The following SPPL2A variants were observed in gnomAD, a reference collection of about 807,000 sequenced individuals.
SPPL2A encodes the protein signal peptide peptidase-like 2A.
Under a neutral mutation model 63.8 loss-of-function variants are expected in SPPL2A, and 51 were observed. The observed-to-expected ratio is 0.80, with a 90% confidence interval of 0.64 to 1.01. The LOEUF (loss-of-function observed/expected upper bound fraction) is 1.01, where lower values mean the gene tolerates loss of function less well. SPPL2A is among the 50% of genes least tolerant of loss of function. The probability of loss-of-function intolerance (pLI) is 0.00; values close to 1 mark genes in which losing one functional copy is unlikely to be tolerated. For missense variants in SPPL2A, 553 were observed against 622.7 expected (o/e 0.89, Z 1.19); for synonymous variants, 188 against 205.8 (o/e 0.91, Z 0.74).
At chr15:50,752,192 T>A (rs1489788613) in intron 1 of SPPL2A, among the ~76,000 whole-genome samples, 7 of 152,092 alleles carry the variant, frequency 4.6e-5, no homozygotes, top group Non-Finnish European at 1.5e-5. Context: ...TCAGTAGAGA[T>A]GCATTAATTT....
At chr15:50,723,277 A>G (rs1306815314) in intron 12 of SPPL2A, among the ~76,000 whole-genome samples, 1 of 152,180 alleles carries the variant, frequency 6.6e-6, no homozygotes, top group Non-Finnish European at 1.5e-5. Context: ...AATTAGAACT[A>G]CCATTAGGTC....
intron 1 of SPPL2A, among the ~76,000 whole-genome samples, chr15:50,752,701 G>C (rs1454716088): frequency 6.7e-6 from 1 of 149,626 alleles, no homozygotes; most frequent in Non-Finnish European, 1.5e-5. Flanking sequence ...CTGTGCAACA[G>C]AGCAAGACTC....
At chr15:50,759,063 G>A (rs1017020192) in intron 1 of SPPL2A, among the ~76,000 whole-genome samples, 10 of 152,064 alleles carry the variant, frequency 6.6e-5, no homozygotes, top group African/African-American at 2.2e-4. Context: ...ACTGTACCCG[G>A]CTAATTTATA....
At chr15:50,719,026 C>G (rs909046132) in intron 14 of SPPL2A, among the ~76,000 whole-genome samples, 1 of 152,004 alleles carries the variant, frequency 6.6e-6, no homozygotes, top group African/African-American at 2.4e-5. Context: ...CCCAACTCTT[C>G]TTAATTTCAA....
intron 8 of SPPL2A, among the ~76,000 whole-genome samples, chr15:50,735,150 C>CCACCTAGAT (rs1407768571): frequency 1.3e-5 from 2 of 152,064 alleles, no homozygotes; most frequent in African/African-American, 4.8e-5. Flanking sequence ...GGTGATCTGC[C>CCACCTAGAT]CACCTCAAGC....
chr15:50,716,258 A>T (rs1289530657), intron 14 of SPPL2A, among the ~76,000 whole-genome samples: 1 of 152,120 alleles, frequency 6.6e-6, no homozygotes, highest in Non-Finnish European at 1.5e-5. Context: ...GCAATGGCGC[A>T]ATCTCAGCTC....
rs371976573 is a variant in SPPL2A, at chr15:50,730,973, T to A, written c.1081A>T (p.Ile361Phe). The A allele has an allele frequency of 3.8e-6, 5 of 1,329,674 alleles. No individual in the cohort carries two copies. The highest frequency in any genetic ancestry group is 1.4e-5 in the African/African-American group (1 of 68,990). The allele number at this position is 1,329,674 out of a possible 1,614,324, so 82.4% of individuals were successfully genotyped here. A position where few individuals can be genotyped will look rare whatever the true frequency, so the allele number is the denominator to read the frequency against. Residue 361 changes from isoleucine (I) to phenylalanine (F), a missense_variant, in exon 10 of 15, where the codon ATC becomes TTC. Transcript: ENST00000261854. ...CAAAAATATGGTCATACCTTTGTGA[T>A]GAATGGTGTTATGAAAACAAAAAAT... ...DVFFVFITPF[I>F]TKNGESIMVE...
chr15:50,736,618 T>C (rs749851540), intron 7 of SPPL2A, 26 bp downstream of exon 7: 93 of 1,294,744 alleles, frequency 7.2e-5, no homozygotes, highest in Non-Finnish European at 9.9e-5. Flanking sequence ...ACCAACATTA[T>C]AAGATTTCCT....
intron 14 of SPPL2A, among the ~76,000 whole-genome samples, chr15:50,716,252 T>C (rs955007890): frequency 1.3e-5 from 2 of 152,208 alleles, no homozygotes; most frequent in Admixed American, 6.5e-5. Context: ...TGGAGTGCAA[T>C]GGCGCAATCT....
chr15:50,717,855 A>T (rs966000067), intron 14 of SPPL2A, among the ~76,000 whole-genome samples: 1 of 152,002 alleles, frequency 6.6e-6, no homozygotes, highest in Non-Finnish European at 1.5e-5. Context: ...TCCTGAAACC[A>T]CAAGCACTGG....
At chr15:50,763,580 A>C (rs2063031241) in intron 1 of SPPL2A, among the ~76,000 whole-genome samples, 1 of 152,230 alleles carries the variant, frequency 6.6e-6, no homozygotes, top group Non-Finnish European at 1.5e-5. Context: ...GGTGAGGTAC[A>C]ACAAAGCACA....
rs757616857 is a variant in SPPL2A, at chr15:50,731,049, A to G, written c.1015-10T>C. 3.8e-6 allele frequency: 5 copies of G among 1,316,638 alleles called. No individual in the cohort carries two copies. Among genetic ancestry groups the G allele is most frequent in the Non-Finnish European group, 5.4e-6 (5 of 922,958 alleles). 81.6% of individuals were successfully genotyped at this position (1,316,638 alleles called of 1,614,324 possible). ...GAAGTATCACACATGACTGTCAAAG[A>G]AAGAAACAAAATTAAAGGTCAATCT... On this transcript the variant is annotated splice_polypyrimidine_tract_variant and intron_variant, in intron 9 of 14. Coordinates refer to ENST00000261854, the MANE Select transcript of SPPL2A (RefSeq NM_032802.4).
intron 12 of SPPL2A, among the ~76,000 whole-genome samples, 174 bp downstream of exon 12, chr15:50,725,047 A>C (rs1181658069): frequency 1.3e-5 from 2 of 152,146 alleles, no homozygotes; most frequent in African/African-American, 4.8e-5. Flanking sequence ...AGTTGTTACC[A>C]TTTGGGCTTT....
chr15:50,730,605 C>A (rs1344097121), intron 10 of SPPL2A, among the ~76,000 whole-genome samples: 2 of 152,070 alleles, frequency 1.3e-5, no homozygotes, highest in African/African-American at 2.4e-5. Flanking sequence ...ACATTCTAGG[C>A]CTTCCGATTT....
At chr15:50,743,365 A>C (rs1481364101) in intron 5 of SPPL2A, 1 of 152,074 alleles carries the variant, frequency 6.6e-6, no homozygotes. Context: ...TATCTTTTTG[A>C]GATAGGATTT....
chr15:50,724,753 A>T (rs535971224), intron 12 of SPPL2A, among the ~76,000 whole-genome samples: 1 of 152,372 alleles, frequency 6.6e-6, no homozygotes, highest in South Asian at 2.1e-4. Flanking sequence ...GATGGTGATC[A>T]GTTCCACTAT....
At chr15:50,713,048 C>G (rs945222348) in intron 14 of SPPL2A, among the ~76,000 whole-genome samples, 1 of 152,088 alleles carries the variant, frequency 6.6e-6, no homozygotes, top group Non-Finnish European at 1.5e-5. Flanking sequence ...GATGAGGAGA[C>G]AGTCTTCAGA....
chr15:50,763,715 A>G (rs750047900), intron 1 of SPPL2A, among the ~76,000 whole-genome samples: 9 of 152,046 alleles, frequency 5.9e-5, no homozygotes, highest in Non-Finnish European at 8.8e-5. Context: ...TGACCAACAT[A>G]GTGAAACCCC....
intron 14 of SPPL2A, among the ~76,000 whole-genome samples, chr15:50,713,543 G>C (rs1193155366): frequency 6.6e-6 from 1 of 151,884 alleles, no homozygotes; most frequent in African/African-American, 2.4e-5. Context: ...GGGATTACAG[G>C]AGTGAGCCAC....
Sources: allele counts gnomAD v4.1 joint callset (sites outside exome capture counted in the v4.1 genomes callset), GRCh38; gene constraint gnomAD v4.1.1; transcripts MANE v1.5; gene names NCBI Gene and HGNC (gene_info 2026-07-23, HGNC 2026-07-21).